NYNRIN: variants seen among roughly 807,000 people sequenced by gnomAD.
The protein encoded by NYNRIN is NYN domain and retroviral integrase containing.
In NYNRIN, 86 loss-of-function variants were observed where a neutral mutation model predicts 146.6. The ratio of observed to expected loss-of-function variants is 0.59; its 90% CI spans 0.49 to 0.70. The LOEUF is 0.70. Among genes scored for constraint, NYNRIN ranks in the 30% least tolerant of loss-of-function variants. The probability of loss-of-function intolerance (pLI) is 0.00; values close to 1 mark genes in which losing one functional copy is unlikely to be tolerated. For missense variants in NYNRIN, 2,191 were observed against 2,377.7 expected, an observed-to-expected ratio of 0.92 and a Z score of 1.63; for synonymous variants, 1,027 against 1,001.3, an observed-to-expected ratio of 1.03 and a Z score of -0.48.
chr14:24,410,986 TG>T, intron 4 of NYNRIN, 89 bp from the exon 5 acceptor site: 1 of 1,508,888 alleles, frequency 6.6e-7, no homozygotes, highest in Non-Finnish European at 9.1e-7. Context: ...TTGGTGTCCT[TG>T]GTGCTGGCAT....
chr14:24,418,071 C>A lies in NYNRIN; in HGVS notation c.*625C>A, dbSNP rs540770730. The A allele has an allele frequency of 2.9e-6, 1 of 345,560 alleles. No individual in the cohort carries two copies. Among genetic ancestry groups the A allele is most frequent in the Admixed American group, 4.0e-5 (1 of 24,806 alleles). 21.4% of individuals were successfully genotyped at this position (345,560 alleles called of 1,614,324 possible). A position where few individuals can be genotyped will look rare whatever the true frequency, so the allele number is the denominator to read the frequency against. On this transcript the variant is annotated 3_prime_UTR_variant, in exon 9 of 9. Coordinates refer to ENST00000382554, the MANE Select transcript of NYNRIN (RefSeq NM_025081.3). ...TGGCCATCCTCCCAGGCCTCAAGGG[C>A]AGTGTCTTGGAGTGGGAGGATGGCC...
intron 4 of NYNRIN, 22 bp downstream of exon 4, chr14:24,410,230 G>T (rs762153237): frequency 6.5e-7 from 1 of 1,548,474 alleles, no homozygotes; most frequent in Non-Finnish European, 8.8e-7. Flanking sequence ...CGGGCGTGGG[G>T]TGGGCTGGGG....
Position 24,408,635 on chromosome 14 carries a change from A to G in NYNRIN, c.858-17A>G. 1 of 1,576,354 alleles carries G rather than the reference A, an allele frequency of 6.3e-7. No individual in the cohort carries two copies. The highest frequency in any genetic ancestry group is 1.4e-5 in the African/African-American group (1 of 73,886). On this transcript the variant is annotated splice_polypyrimidine_tract_variant and intron_variant, in intron 3 of 8. Transcript: ENST00000382554. The stretch of plus-strand genomic sequence containing the variant: ...AACTGGCCTTCCACCTTTTCAATGA[A>G]CTTGGGCTTCCTCCAGGGTCGGTTC...
In NYNRIN at chr14:24,416,247, A is replaced by C. The variant is rs2042944917; in HGVS notation, c.4498A>C (p.Lys1500Gln). ...CATTGCCAGGCTGCAGGCTGGGCAG[A>C]AACTGTCTGGCTCCTCACCGTTTAG... ...DIIARLQAGQ[K>Q]LSGSSPFSSA... The change falls in exon 9 of 9, where the codon AAA becomes CAA. Residue 1500 changes from lysine to glutamine, a missense_variant. Coordinates refer to ENST00000382554, the MANE Select transcript of NYNRIN (RefSeq NM_025081.3). 6.2e-7 allele frequency: 1 copy of C among 1,613,962 alleles called. No homozygotes were observed. The highest frequency in any genetic ancestry group is 2.2e-5 in the East Asian group (1 of 44,878).
chr14:24,416,304 G>A lies in NYNRIN; in HGVS notation c.4555G>A (p.Glu1519Lys), dbSNP rs761134037. The change falls in exon 9 of 9, where the codon GAG (glutamate) becomes AAG (lysine). Residue 1519 changes from glutamate (E) to lysine (K), a missense_variant. Coordinates refer to ENST00000382554, the MANE Select transcript of NYNRIN (RefSeq NM_025081.3). ...SAFNSLSLDK[E>K]SGLLMFKGDK... ...CTTTAACTCACTCAGCCTCGACAAG[G>A]AGAGTGGCCTGCTTATGTTCAAGGG... 7 of 1,613,912 alleles carry A rather than the reference G, an allele frequency of 4.3e-6. No homozygotes were observed. Among genetic ancestry groups the A allele is most frequent in the South Asian group, 1.1e-5 (1 of 91,070 alleles).
Position 24,409,136 on chromosome 14 carries a change from C to T in NYNRIN, c.1342C>T (p.Pro448Ser), listed in dbSNP as rs2042894257. Residue 448 changes from proline (P) to serine (S), a missense_variant, in exon 4 of 9, where the codon CCA (proline) becomes TCA (serine). Around this residue, in one of 3 missense-constraint regions of NYNRIN, gnomAD observed 895 missense variants for 941.2 expected, o/e 0.95. Coordinates refer to ENST00000382554, the MANE Select transcript of NYNRIN (RefSeq NM_025081.3). ...LGGEAALQNC[P>S]RPEISPKVTS... The stretch of plus-strand genomic sequence containing the variant: ...AGGAGAAGCAGCCCTGCAGAATTGC[C>T]CAAGGCCAGAGATTTCCCCAAAAGT... The T allele has an allele frequency of 6.2e-7, 1 of 1,613,770 alleles. No individual in the cohort carries two copies. Among genetic ancestry groups the T allele is most frequent in the African/African-American group, 1.3e-5 (1 of 74,934 alleles).
At chr14:24,410,495 G>A (rs996624856) in intron 4 of NYNRIN, among the ~76,000 whole-genome samples, 1 of 152,206 alleles carries the variant, frequency 6.6e-6, no homozygotes, top group African/African-American at 2.4e-5. Context: ...GCCAGCAAGG[G>A]GTCCAGCTGG....
At position 24,416,375 on chromosome 14, in the gene NYNRIN, G is replaced by T; in HGVS notation, c.4626G>T (p.Arg1542Ser). 2 of 1,613,154 alleles carry T rather than the reference G, an allele frequency of 1.2e-6. No individual in the cohort carries two copies. The highest frequency in any genetic ancestry group is 1.7e-6 in the Non-Finnish European group (2 of 1,179,510). ...GGGTAGTCCCGACGCAACTCCGGAG[G>T]GATCTGATTTTCTCTGTGCATGACA... is the stretch of plus-strand genomic sequence containing the variant. Reference protein sequence around the residue: ...RVWVVPTQLRRDLIFSVHDIP... With the variant: ...RVWVVPTQLRSDLIFSVHDIP... The change falls in exon 9 of 9, where the codon AGG (arginine) becomes AGT (serine). Residue 1542 changes from arginine (R) to serine (S), a missense_variant. This residue lies in a region of NYNRIN where 1,291 missense variants were observed against 1,417.0 expected (regional missense o/e 0.91). Coordinates refer to ENST00000382554, the MANE Select transcript of NYNRIN (RefSeq NM_025081.3).
At chr14:24,404,842 T>C (rs901459127) in intron 2 of NYNRIN, among the ~76,000 whole-genome samples, 5 of 152,190 alleles carry the variant, frequency 3.3e-5, no homozygotes, top group African/African-American at 1.2e-4. Flanking sequence ...GCTTGCATTG[T>C]ATACATCATT....
rs978257547 is a variant in NYNRIN, at chr14:24,399,098, C to T, written c.-18+12C>T. ...CCGAGCCGTGCGGGGTGGGTCCCGC[C>T]GCCTGGAGGAAGGAGGCCGTGCGGG... On this transcript the variant is annotated intron_variant, in intron 1 of 8. Transcript: ENST00000382554. The T allele has an allele frequency of 2.8e-6, 2 of 715,564 alleles. No individual in the cohort carries two copies. The highest frequency in any genetic ancestry group is 2.0e-5 in the South Asian group (1 of 51,002). The allele number at this position is 715,564 out of a possible 1,614,324, so 44.3% of individuals were successfully genotyped here. A position where few individuals can be genotyped will look rare whatever the true frequency, so the allele number is the denominator to read the frequency against.
At chr14:24,412,496 A>G (rs1325691708) in intron 6 of NYNRIN, 3 of 158,184 alleles carry the variant, frequency 1.9e-5, no homozygotes, top group Admixed American at 1.3e-4. Flanking sequence ...TGGCATGTAT[A>G]TGAATATTAT....
In NYNRIN at chr14:24,416,347, T is replaced by C. The variant is rs1165606503; in HGVS notation, c.4598T>C (p.Val1533Ala). 1 of 1,613,440 alleles carries C rather than the reference T, an allele frequency of 6.2e-7. No individual in the cohort carries two copies. Among genetic ancestry groups the C allele is most frequent in the South Asian group, 1.1e-5 (1 of 90,996 alleles). Residue 1533 changes from valine (V) to alanine (A), a missense_variant, in exon 9 of 9, where the codon GTC (valine) becomes GCC (alanine). Around this residue, in one of 3 missense-constraint regions of NYNRIN, gnomAD observed 1,291 missense variants for 1,417.0 expected, o/e 0.91. Transcript: ENST00000382554. ...LMFKGDKKPR[V>A]WVVPTQLRRD... The stretch of plus-strand genomic sequence containing the variant: ...TTCAAGGGAGATAAGAAGCCCAGGG[T>C]CTGGGTAGTCCCGACGCAACTCCGG...
At position 24,409,807 on chromosome 14, in the gene NYNRIN, C is replaced by T; in HGVS notation, c.2013C>T (p.Thr671=). 1.2e-6 allele frequency: 2 copies of T among 1,612,482 alleles called. No homozygotes were observed. Among genetic ancestry groups the T allele is most frequent in the Non-Finnish European group, 1.7e-6 (2 of 1,179,618 alleles). ...KAPAAPKVPV[T]PRVSRAPKTP... The stretch of plus-strand genomic sequence containing the variant: ...CTGCAGCTCCCAAAGTACCTGTGAC[C>T]CCCAGAGTCTCCAGAGCTCCCAAAA... The change falls in exon 4 of 9, where the codon ACC becomes ACT. Residue 671 remains threonine (T), a synonymous_variant. Transcript: ENST00000382554.
Position 24,415,264 on chromosome 14 carries a change from C to A in NYNRIN, c.3515C>A (p.Thr1172Lys), listed in dbSNP as rs764502613. ...LEVTVSHVAL[T>K]AILHQEHSGR... Reference sequence around the variant, plus strand: ...GTGACCGTGAGCCACGTGGCCCTGACGGCCATCCTCCATCAGGAGCACTCA... The same window carrying A: ...GTGACCGTGAGCCACGTGGCCCTGAAGGCCATCCTCCATCAGGAGCACTCA... The change falls in exon 9 of 9, where the codon ACG becomes AAG. Residue 1172 changes from threonine (T) to lysine (K), a missense_variant. Thr to Lys is a moderately conservative substitution (Grantham distance 78). Transcript: ENST00000382554. 1 of 1,613,814 alleles carries A rather than the reference C, an allele frequency of 6.2e-7. No homozygotes were observed. The highest frequency in any genetic ancestry group is 8.5e-7 in the Non-Finnish European group (1 of 1,179,852).
intron 2 of NYNRIN, among the ~76,000 whole-genome samples, chr14:24,399,824 A>T (rs1463814098): frequency 6.6e-6 from 1 of 152,156 alleles, no homozygotes; most frequent in Non-Finnish European, 1.5e-5. Flanking sequence ...GGCCTCTGCA[A>T]CACACCTCTT....
At position 24,399,086 on chromosome 14, in the gene NYNRIN, G is replaced by C. The variant is rs1024795272; in HGVS notation, c.-18G>C. On this transcript the variant is annotated splice_region_variant and 5_prime_UTR_variant, in exon 1 of 9. Transcript: ENST00000382554. Reference sequence around the variant, plus strand: ...GAGGGCGGGCGCCCGAGCCGTGCGGGGTGGGTCCCGCCGCCTGGAGGAAGG... The same window carrying C: ...GAGGGCGGGCGCCCGAGCCGTGCGGCGTGGGTCCCGCCGCCTGGAGGAAGG... 1.0e-4 allele frequency: 66 copies of C among 639,796 alleles called. No homozygotes were observed. In the African/African-American group the frequency reaches 1.2e-3, roughly 12 times the overall value. The allele number at this position is 639,796 out of a possible 1,614,324, so 39.6% of individuals were successfully genotyped here.
chr14:24,417,967 G>T lies in NYNRIN; in HGVS notation c.*521G>T. On this transcript the variant is annotated 3_prime_UTR_variant, in exon 9 of 9. Coordinates refer to ENST00000382554, the MANE Select transcript of NYNRIN (RefSeq NM_025081.3). ...CAGATGACATAAGCCTGGGCAGGCT[G>T]TGGGGAGGCCGCTGCCTCCTAGCCT... is the stretch of plus-strand genomic sequence containing the variant. 1 of 257,172 alleles carries T rather than the reference G, an allele frequency of 3.9e-6. No individual in the cohort carries two copies. Among genetic ancestry groups the T allele is most frequent in the Non-Finnish European group, 7.7e-6 (1 of 130,408 alleles). 15.9% of individuals were successfully genotyped at this position (257,172 alleles called of 1,614,324 possible).
At chr14:24,412,832 G>T (rs1391436634) in intron 6 of NYNRIN, 165 bp from the exon 7 acceptor site, 2 of 550,300 alleles carry the variant, frequency 3.6e-6, no homozygotes, top group African/African-American at 3.8e-5. Context: ...TCACATGGCT[G>T]CATAGAGAAG....
At position 24,399,263 on chromosome 14, in the gene NYNRIN, G is replaced by T. The variant is rs770905855; in HGVS notation, c.17G>T (p.Gly6Val). The T allele has an allele frequency of 1.2e-6, 2 of 1,613,866 alleles. No individual in the cohort carries two copies. The highest frequency in any genetic ancestry group is 1.1e-5 in the South Asian group (1 of 91,074). Residue 6 changes from glycine to valine, a missense_variant, in exon 2 of 9, where the codon GGC (glycine) becomes GTC (valine). Coordinates refer to ENST00000382554, the MANE Select transcript of NYNRIN (RefSeq NM_025081.3). ...GGGGCAGCCATGCTCCTGTCTGGGG[G>T]CGATCCTCCGGCGCAGGAATGGTTC... The part of the protein sequence containing the change: MLLSG[G>V]DPPAQEWFMV...
Sources: allele counts gnomAD v4.1 joint callset (sites outside exome capture counted in the v4.1 genomes callset), GRCh38; gene constraint gnomAD v4.1.1; regional missense constraint gnomAD v4.1.1; transcripts MANE v1.5; gene names NCBI Gene and HGNC (gene_info 2026-07-23, HGNC 2026-07-21).